PRKN: variants seen among roughly 807,000 people sequenced by gnomAD.
PRKN encodes E3 ubiquitin-protein ligase parkin.
Under a neutral mutation model 59.5 loss-of-function variants are expected in PRKN, and 56 were observed. The observed-to-expected ratio is 0.94, with a 90% CI of 0.76 to 1.18. The LOEUF (loss-of-function observed/expected upper bound fraction) is 1.18, where lower values mean the gene tolerates loss of function less well. Among genes scored for constraint, PRKN ranks in the 50% most tolerant of loss-of-function variants. The probability of loss-of-function intolerance (pLI) is 0.00; values close to 1 mark genes in which losing one functional copy is unlikely to be tolerated. For synonymous variants in PRKN, 250 were observed against 222.1 expected (o/e 1.13, Z -1.12); for missense variants, 657 against 596.4 (o/e 1.10, Z -1.06).
chr6:161,942,424 G>T (rs1248851600), intron 6 of PRKN, among the ~76,000 whole-genome samples: 1 of 152,046 alleles, frequency 6.6e-6, no homozygotes, highest in African/African-American at 2.4e-5. Context: ...CCAGCTACTC[G>T]GGAGGTTGAG....
At chr6:161,842,677 G>C (rs934705737) in intron 6 of PRKN, among the ~76,000 whole-genome samples, 3 of 151,950 alleles carry the variant, frequency 2.0e-5, no homozygotes, top group African/African-American at 7.2e-5. Flanking sequence ...CGATTCTCCT[G>C]CCTCAGCCTC....
chr6:162,418,231 C>T (rs1321963434), intron 2 of PRKN, among the ~76,000 whole-genome samples: 2 of 152,082 alleles, frequency 1.3e-5, no homozygotes, highest in African/African-American at 2.4e-5. Flanking sequence ...AAACATTGTA[C>T]TAAGTGAAAG....
At chr6:162,607,134 A>G (rs1463699093) in intron 1 of PRKN, among the ~76,000 whole-genome samples, 1 of 152,112 alleles carries the variant, frequency 6.6e-6, no homozygotes, top group Non-Finnish European at 1.5e-5. Context: ...GAGACATCCA[A>G]ATGTAGAAGT....
intron 6 of PRKN, among the ~76,000 whole-genome samples, chr6:161,823,429 A>G (rs1441255805): frequency 6.6e-6 from 1 of 152,138 alleles, no homozygotes; most frequent in Non-Finnish European, 1.5e-5. Context: ...GGCTGGGTAC[A>G]CTGCAGACAC....
chr6:161,617,119 G>T (rs1782726717), intron 7 of PRKN, among the ~76,000 whole-genome samples: 1 of 152,126 alleles, frequency 6.6e-6, no homozygotes, highest in South Asian at 2.1e-4. Flanking sequence ...GTGTGAGATG[G>T]TATCTCATTG....
chr6:162,462,103 A>G (rs529606565), intron 1 of PRKN, among the ~76,000 whole-genome samples: 1 of 152,214 alleles, frequency 6.6e-6, no homozygotes, highest in Non-Finnish European at 1.5e-5. Flanking sequence ...TATAACTGTG[A>G]GAACTCTGGA....
intron 6 of PRKN, among the ~76,000 whole-genome samples, chr6:161,932,274 C>T (rs1186936120): frequency 6.6e-6 from 1 of 151,980 alleles, no homozygotes; most frequent in Non-Finnish European, 1.5e-5. Flanking sequence ...GTTTCCGAAA[C>T]AGTTCAAATA....
At chr6:162,565,617 C>CA (rs1780034343) in intron 1 of PRKN, among the ~76,000 whole-genome samples, 3 of 152,098 alleles carry the variant, frequency 2.0e-5, no homozygotes, top group African/African-American at 4.8e-5. Context: ...TTGAACCTGA[C>CA]AGGCAGAGGT....
chr6:162,620,346 A>G (rs1782613523), intron 1 of PRKN, among the ~76,000 whole-genome samples: 1 of 152,008 alleles, frequency 6.6e-6, no homozygotes, highest in African/African-American at 2.4e-5. Flanking sequence ...GGTTATTGTT[A>G]ATTACATTAT....
At chr6:162,037,733 G>T (rs1353144132) in intron 5 of PRKN, among the ~76,000 whole-genome samples, 1 of 151,856 alleles carries the variant, frequency 6.6e-6, no homozygotes, top group African/African-American at 2.4e-5. Flanking sequence ...TTTTAGTAGA[G>T]ACAGGGTTTC....
chr6:161,881,605 G>C (rs1003843001), intron 6 of PRKN, among the ~76,000 whole-genome samples: 1 of 152,072 alleles, frequency 6.6e-6, no homozygotes, highest in Non-Finnish European at 1.5e-5. Flanking sequence ...CTGATGGTCA[G>C]CAACTCAGAG....
chr6:161,928,554 T>C (rs1245027747), intron 6 of PRKN, among the ~76,000 whole-genome samples: 1 of 152,200 alleles, frequency 6.6e-6, no homozygotes, highest in Non-Finnish European at 1.5e-5. Context: ...TGGTTCCGTA[T>C]GGACTAGGGT....
intron 5 of PRKN, among the ~76,000 whole-genome samples, chr6:162,037,091 C>A (rs1405907987): frequency 6.6e-6 from 1 of 152,048 alleles, no homozygotes; most frequent in Non-Finnish European, 1.5e-5. Flanking sequence ...TCCAGGGTAC[C>A]TTTTGGAACT....
In PRKN at chr6:161,546,452, G is replaced by T. The variant is rs930416425; in HGVS notation, c.1083+2402C>A. ...GGATTTGAAGACAAAGGGCAATGAT[G>T]AAATCAATTTATCTCTGCTGAGAAG... On this transcript the variant is annotated intron_variant, in intron 9 of 11. Transcript: ENST00000366898. This position sits in a 1 kb window ranked among gnomAD's most constrained non-coding sequence, Gnocchi z 4.4. Among the ~76,000 whole-genome samples the T allele has an allele frequency of 1.3e-5, 2 of 152,138 alleles. No homozygotes were observed. The highest frequency in any genetic ancestry group is 2.4e-5 in the African/African-American group (1 of 41,424).
intron 6 of PRKN, among the ~76,000 whole-genome samples, chr6:161,946,741 C>T (rs1278386099): frequency 6.6e-6 from 1 of 152,074 alleles, no homozygotes; most frequent in Non-Finnish European, 1.5e-5. Flanking sequence ...GATACATGTA[C>T]ACTGCTGTTA....
At chr6:161,943,569 A>G (rs938012157) in intron 6 of PRKN, among the ~76,000 whole-genome samples, 4 of 152,282 alleles carry the variant, frequency 2.6e-5, no homozygotes, top group Admixed American at 2.0e-4. Flanking sequence ...CCTGAAATAA[A>G]GTCAAATGAT....
intron 6 of PRKN, among the ~76,000 whole-genome samples, chr6:161,881,306 G>A (rs576995274): frequency 6.6e-6 from 1 of 152,266 alleles, no homozygotes; most frequent in African/African-American, 2.4e-5. Context: ...AGGAAGTTCC[G>A]CCCTGCCACC....
intron 2 of PRKN, among the ~76,000 whole-genome samples, chr6:162,387,661 C>T (rs1320484327): frequency 6.9e-6 from 1 of 145,344 alleles, no homozygotes; most frequent in Non-Finnish European, 1.5e-5. Flanking sequence ...AAGGTGTGTA[C>T]CTCAAAGTCT....
At chr6:161,916,719 T>A (rs1007135866) in intron 6 of PRKN, among the ~76,000 whole-genome samples, 1 of 152,234 alleles carries the variant, frequency 6.6e-6, no homozygotes, top group Non-Finnish European at 1.5e-5. Context: ...TTCTACCCGG[T>A]TCCGTTCCTT....
Sources: gnomAD v4.1 joint callset for allele counts (sites outside exome capture counted in the v4.1 genomes callset) on GRCh38, gnomAD v4.1.1 for gene constraint, Gnocchi (gnomAD v3.1) non-coding constraint, MANE v1.5 for transcripts, NCBI Gene and HGNC (gene_info 2026-07-23, HGNC 2026-07-21) for gene names.